The following TRHR variants were observed in gnomAD, a reference collection of about 807,000 sequenced individuals.
TRHR encodes thyrotropin-releasing hormone receptor.
Under a neutral mutation model 28.0 loss-of-function variants are expected in TRHR, and 14 were observed. That is an observed-to-expected ratio of 0.50 (90% CI 0.33 to 0.78). The LOEUF is 0.78. Ranked by LOEUF, TRHR falls within the 30% of genes least tolerant of loss-of-function variation. The probability of loss-of-function intolerance (pLI) is 0.02; values close to 1 mark genes in which losing one functional copy is unlikely to be tolerated. For missense variants in TRHR, 438 were observed against 469.5 expected (o/e 0.93, Z 0.62); for synonymous variants, 176 against 171.9 (o/e 1.02, Z -0.18).
chr8:109,106,197 A>G (rs1035555516), intron 2 of TRHR, among the ~76,000 whole-genome samples: 5 of 152,152 alleles, frequency 3.3e-5, no homozygotes, highest in Non-Finnish European at 7.4e-5. Context: ...CAGGCCCTAA[A>G]AATACCAATT....
At chr8:109,115,549 G>A (rs904068183) in intron 2 of TRHR, among the ~76,000 whole-genome samples, 31 of 152,180 alleles carry the variant, frequency 2.0e-4, no homozygotes, top group Non-Finnish European at 4.4e-4. Flanking sequence ...TGGATTCCTA[G>A]GTATTTTATT....
At chr8:109,093,092 C>T (rs1422025170) in intron 2 of TRHR, among the ~76,000 whole-genome samples, 3 of 152,084 alleles carry the variant, frequency 2.0e-5, no homozygotes, top group African/African-American at 4.8e-5. Context: ...TTTCTCTGAG[C>T]CTCAGTTTTC....
At position 109,119,609 on chromosome 8, in the gene TRHR, A is replaced by T. The variant is rs560614707; in HGVS notation, c.*154A>T. 17 of 822,312 alleles carry T rather than the reference A, an allele frequency of 2.1e-5. No individual in the cohort carries two copies. Among genetic ancestry groups the T allele is most frequent in the East Asian group, 1.9e-4 (7 of 37,384 alleles). 50.9% of individuals were successfully genotyped at this position (822,312 alleles called of 1,614,324 possible). ...ATTCTGGCCCTAGATACTTTAACCC[A>T]TGAGGATGATTCAGACTTTCCTTCT... On this transcript the variant is annotated 3_prime_UTR_variant, in exon 3 of 3. Coordinates refer to ENST00000518632, the MANE Select transcript of TRHR (RefSeq NM_003301.7).
At chr8:109,092,032 T>A (rs1811524946) in intron 2 of TRHR, among the ~76,000 whole-genome samples, 1 of 152,230 alleles carries the variant, frequency 6.6e-6, no homozygotes, top group Non-Finnish European at 1.5e-5. Flanking sequence ...GGATTTTTGG[T>A]ATTTTGAAAG....
At chr8:109,118,038 A>G (rs374272014) in intron 2 of TRHR, among the ~76,000 whole-genome samples, 1 of 151,848 alleles carries the variant, frequency 6.6e-6, no homozygotes, top group Admixed American at 6.6e-5. Context: ...TATACTTAGG[A>G]GTGGCTTCAG....
At position 109,087,497 on chromosome 8, in the gene TRHR, C is replaced by G; in HGVS notation, c.-16C>G. 6.2e-7 allele frequency: 1 copy of G among 1,614,022 alleles called. No individual in the cohort carries two copies. Among genetic ancestry groups the G allele is most frequent in the East Asian group, 2.2e-5 (1 of 44,888 alleles). Reference sequence around the variant, plus strand: ...TTGAGAAGTCAGTGTTTCCGAGAAACTTTAAGCTTCTAAAGATGGAAAACG... The same window carrying G: ...TTGAGAAGTCAGTGTTTCCGAGAAAGTTTAAGCTTCTAAAGATGGAAAACG... On this transcript the variant is annotated 5_prime_UTR_variant, in exon 2 of 3. Transcript: ENST00000518632.
In TRHR at chr8:109,087,886, T is replaced by G. The variant is rs998255395; in HGVS notation, c.374T>G (p.Ile125Arg). ...SITAFTIERY[I>R]AICHPIKAQF... ...ACAGCCTTTACCATTGAGAGGTACA[T>G]AGCAATCTGTCACCCCATCAAAGCC... is the stretch of plus-strand genomic sequence containing the variant. The change falls in exon 2 of 3, where the codon ATA becomes AGA. Residue 125 changes from isoleucine (I) to arginine (R), a missense_variant. Physicochemically the swap from Ile to Arg is moderately conservative, Grantham distance 97 (BLOSUM62 -3). Transcript: ENST00000518632. 1.2e-6 allele frequency: 2 copies of G among 1,614,106 alleles called. No individual in the cohort carries two copies. Among genetic ancestry groups the G allele is most frequent in the African/African-American group, 2.7e-5 (2 of 74,940 alleles).
Position 109,120,195 on chromosome 8 carries a change from A to G in TRHR, c.*740A>G, listed in dbSNP as rs914564110. Among the ~76,000 whole-genome samples, 9 of 151,888 alleles carry G rather than the reference A, an allele frequency of 5.9e-5. 1 individual carries two copies. Among genetic ancestry groups the G allele is most frequent in the African/African-American group, 2.2e-4 (9 of 41,412 alleles). On this transcript the variant is annotated 3_prime_UTR_variant, in exon 3 of 3. Transcript: ENST00000518632. ...TCCAGCCTCCCACATGATGGGTGGA[A>G]AAAGGCAAAAGCCCAGATTAAGTAA...
intron 2 of TRHR, among the ~76,000 whole-genome samples, chr8:109,090,385 C>T (rs375642172): frequency 5.9e-5 from 9 of 152,154 alleles, no homozygotes; most frequent in South Asian, 2.1e-4. Context: ...GTGTATATGA[C>T]GTGGTAACTT....
chr8:109,087,642 A>C lies in TRHR; in HGVS notation c.130A>C (p.Ile44Leu), dbSNP rs553777610. 1 of 1,614,086 alleles carries C rather than the reference A, an allele frequency of 6.2e-7. No homozygotes were observed. Among genetic ancestry groups the C allele is most frequent in the African/African-American group, 1.3e-5 (1 of 75,046 alleles). The change falls in exon 2 of 3, where the codon ATC becomes CTC. Residue 44 changes from isoleucine (I) to leucine (L), a missense_variant. Coordinates refer to ENST00000518632, the MANE Select transcript of TRHR (RefSeq NM_003301.7). ...IICGLGIVGN[I>L]MVVLVVMRTK... ...TTGTGGCCTGGGCATTGTAGGCAAC[A>C]TCATGGTAGTCCTGGTTGTCATGAG...
intron 2 of TRHR, among the ~76,000 whole-genome samples, chr8:109,095,517 C>T (rs1166764787): frequency 6.6e-6 from 1 of 152,068 alleles, no homozygotes; most frequent in Non-Finnish European, 1.5e-5. Flanking sequence ...AAGTCTGAGC[C>T]AGATTGTGGT....
chr8:109,110,908 C>T (rs1046872285), intron 2 of TRHR, among the ~76,000 whole-genome samples: 11 of 152,160 alleles, frequency 7.2e-5, no homozygotes, highest in Admixed American at 7.2e-4. Context: ...GTAATCCCAG[C>T]ACTTTGGGAG....
intron 2 of TRHR, among the ~76,000 whole-genome samples, chr8:109,105,133 C>T (rs754078964): frequency 2.0e-5 from 3 of 152,058 alleles, no homozygotes; most frequent in African/African-American, 4.8e-5. Context: ...CACACATCAT[C>T]TCATTTGTAT....
chr8:109,096,554 T>C (rs1010325547), intron 2 of TRHR, among the ~76,000 whole-genome samples: 1 of 152,206 alleles, frequency 6.6e-6, no homozygotes, highest in Admixed American at 6.5e-5. Flanking sequence ...CTCAGTGGTG[T>C]GTAGCTGCCA....
At chr8:109,112,136 C>A (rs1811843684) in intron 2 of TRHR, among the ~76,000 whole-genome samples, 1 of 152,160 alleles carries the variant, frequency 6.6e-6, no homozygotes, top group Non-Finnish European at 1.5e-5. Context: ...TTCTTCTATA[C>A]CTACTACATA....
chr8:109,094,708 T>A (rs1368802184), intron 2 of TRHR, among the ~76,000 whole-genome samples: 40 of 151,682 alleles, frequency 2.6e-4, no homozygotes, highest in Admixed American at 5.2e-4. Flanking sequence ...TATATTTGCA[T>A]GTTGCAAATA....
At chr8:109,088,722 A>G (rs1258997135) in intron 2 of TRHR, among the ~76,000 whole-genome samples, 1 of 152,216 alleles carries the variant, frequency 6.6e-6, no homozygotes, top group African/African-American at 2.4e-5. Flanking sequence ...CAGTTTGAAA[A>G]CAGGTTAGTT....
chr8:109,118,469 G>T (rs1811952180), intron 2 of TRHR, among the ~76,000 whole-genome samples: 1 of 151,834 alleles, frequency 6.6e-6, no homozygotes, highest in African/African-American at 2.4e-5. Flanking sequence ...GTAAGGAAAG[G>T]ATTTGACCCT....
rs142295423 is a variant in TRHR at position 109,090,879 on chromosome 8, T to C, written c.789+2578T>C. Among the ~76,000 whole-genome samples the C allele has an allele frequency of 1.0e-3, 153 of 152,204 alleles. 1 individual carries two copies. The highest frequency in any genetic ancestry group is 3.6e-3 in the African/African-American group (151 of 41,492). Reference sequence around the variant, plus strand: ...CGACTTAGTTGTCTGAAATGAATGATGTATTTGTGGGAGTGGTAAAAAGTA... The same window carrying C: ...CGACTTAGTTGTCTGAAATGAATGACGTATTTGTGGGAGTGGTAAAAAGTA... On this transcript the variant is annotated intron_variant, in intron 2 of 2. Transcript: ENST00000518632.
Sources: allele counts gnomAD v4.1 joint callset (sites outside exome capture counted in the v4.1 genomes callset), GRCh38; gene constraint gnomAD v4.1.1; transcripts MANE v1.5; gene names NCBI Gene and HGNC (gene_info 2026-07-23, HGNC 2026-07-21).